The following RASGRP3 variants were observed in gnomAD, a reference collection of about 807,000 sequenced individuals.
RASGRP3 encodes ras guanyl-releasing protein 3.
RASGRP3 carries 54 observed loss-of-function variants against 82.7 expected under a neutral mutation model. The observed-to-expected ratio is 0.65, with a 90% CI of 0.52 to 0.82. The LOEUF (loss-of-function observed/expected upper bound fraction) is 0.82. Among genes scored for constraint, RASGRP3 ranks in the 40% least tolerant of loss-of-function variants. The pLI is 0.00. For missense variants in RASGRP3, 861 were observed against 828.9 expected, an observed-to-expected ratio of 1.04 and a Z score of -0.48; for synonymous variants, 309 against 300.5, an observed-to-expected ratio of 1.03 and a Z score of -0.29.
chr2:33,447,499 G>A (rs1040321780), intron 1 of RASGRP3, among the ~76,000 whole-genome samples: 3 of 151,254 alleles, frequency 2.0e-5, no homozygotes, highest in Non-Finnish European at 4.4e-5. Context: ...GCAGTGGTCC[G>A]ATCTTGGCTC....
chr2:33,559,786 G>C (rs1055577085), intron 17 of RASGRP3, among the ~76,000 whole-genome samples: 16 of 152,194 alleles, frequency 1.1e-4, no homozygotes, highest in African/African-American at 3.1e-4. Flanking sequence ...TATTGGGTTA[G>C]GCAGAGATCC....
chr2:33,446,454 G>A (rs1418021200), intron 1 of RASGRP3, among the ~76,000 whole-genome samples: 4 of 150,672 alleles, frequency 2.7e-5, no homozygotes, highest in Non-Finnish European at 4.4e-5. Context: ...ACCCACACCC[G>A]GCCCAAGTAG....
At chr2:33,465,306 G>C (rs10183077) in intron 2 of RASGRP3, among the ~76,000 whole-genome samples, 21,829 of 152,152 alleles carry the variant, frequency 0.14, 1,786 homozygotes, top group South Asian at 0.27. Flanking sequence ...TTCAATTCTC[G>C]GAAGGCTGAG....
At chr2:33,461,969 G>C (rs779148956) in intron 2 of RASGRP3, among the ~76,000 whole-genome samples, 2 of 152,184 alleles carry the variant, frequency 1.3e-5, no homozygotes, top group African/African-American at 4.8e-5. Context: ...TGGCACTAAG[G>C]CTGGAAAACA....
At chr2:33,491,334 A>G (rs955711594) in intron 1 of RASGRP3, among the ~76,000 whole-genome samples, 2 of 152,186 alleles carry the variant, frequency 1.3e-5, no homozygotes, top group African/African-American at 4.8e-5. Context: ...TTAAAAATAA[A>G]AAAAGTAAAA....
At chr2:33,505,450 G>C (rs1670278046) in intron 1 of RASGRP3, among the ~76,000 whole-genome samples, 2 of 151,922 alleles carry the variant, frequency 1.3e-5, no homozygotes, top group African/African-American at 4.8e-5. Context: ...TTACTGGCAT[G>C]AGCCACCACT....
Position 33,451,039 on chromosome 2 carries a change from C to A in RASGRP3, c.-261+3096C>A, listed in dbSNP as rs577789938. On this transcript the variant is annotated intron_variant, in intron 2 of 18. Transcript: ENST00000402538. The stretch of plus-strand genomic sequence containing the variant: ...TGTATTTTTAGTAGAGACAGGGCTT[C>A]ACCGTATTAGCCAGGATGGTCTCGA... Among the ~76,000 whole-genome samples the A allele has an allele frequency of 3.0e-4, 46 of 151,292 alleles. 1 individual carries two copies. Among genetic ancestry groups the A allele is most frequent in the African/African-American group, 1.0e-3 (43 of 41,298 alleles).
chr2:33,445,225 G>A (rs537483249), intron 1 of RASGRP3, among the ~76,000 whole-genome samples: 1 of 152,290 alleles, frequency 6.6e-6, no homozygotes, highest in South Asian at 2.1e-4. Flanking sequence ...GGTGGAAGTG[G>A]ATAAAATCAG....
chr2:33,532,247 T>C (rs950518016), intron 10 of RASGRP3: 10 of 152,206 alleles, frequency 6.6e-5, no homozygotes, highest in African/African-American at 2.4e-4. Context: ...AAACTCCAGA[T>C]TTCTGGCTTC....
intron 1 of RASGRP3, among the ~76,000 whole-genome samples, chr2:33,484,041 T>C (rs567445674): frequency 5.3e-5 from 8 of 152,260 alleles, no homozygotes; most frequent in African/African-American, 1.4e-4. Context: ...CACTTCTCTG[T>C]TTTGTTTTGA....
intron 2 of RASGRP3, among the ~76,000 whole-genome samples, chr2:33,513,118 T>C (rs1354341922): frequency 1.6e-4 from 24 of 152,234 alleles, no homozygotes. Flanking sequence ...TCACAAATCA[T>C]TTCAGCAGCA....
intron 10 of RASGRP3, among the ~76,000 whole-genome samples, chr2:33,531,150 G>A (rs1275573616): frequency 6.6e-6 from 1 of 152,212 alleles, no homozygotes; most frequent in African/African-American, 2.4e-5. Context: ...ATGATAAACA[G>A]TCAAGCCAAT....
Position 33,562,847 on chromosome 2 carries a change from A to ATGTT in RASGRP3, c.*112_*115dup. ...GGAAGTTATCTGGAAAGATACCTGG[A>ATGTT]TGTTTACTGCCTTGGGACACTGTGG... On this transcript the variant is annotated 3_prime_UTR_variant, in exon 18 of 18. Transcript: ENST00000403687. The ATGTT allele has an allele frequency of 7.1e-7, 1 of 1,398,750 alleles. No homozygotes were observed. Among genetic ancestry groups the ATGTT allele is most frequent in the Middle Eastern group, 1.8e-4 (1 of 5,656 alleles). The allele number at this position is 1,398,750 out of a possible 1,614,324, so 86.6% of individuals were successfully genotyped here.
intron 13 of RASGRP3, 40 bp from the exon 14 acceptor site, chr2:33,549,564 T>C (rs920952749): frequency 6.3e-7 from 1 of 1,580,064 alleles, no homozygotes. Context: ...TAGCAACCTG[T>C]TATTTAAAGA....
chr2:33,516,341 A>G (rs981051850), intron 3 of RASGRP3, among the ~76,000 whole-genome samples: 7 of 152,180 alleles, frequency 4.6e-5, no homozygotes, highest in African/African-American at 1.7e-4. Flanking sequence ...CGGGAGGTGG[A>G]GGTTGCAGTG....
intron 2 of RASGRP3, among the ~76,000 whole-genome samples, chr2:33,458,906 G>C (rs567693116): frequency 6.6e-6 from 1 of 152,272 alleles, no homozygotes; most frequent in East Asian, 1.9e-4. Context: ...GGTATGTGCA[G>C]ATAATAAGGA....
chr2:33,521,175 A>T (rs75195383), intron 6 of RASGRP3, among the ~76,000 whole-genome samples: 51 of 152,318 alleles, frequency 3.3e-4, no homozygotes, highest in African/African-American at 1.2e-3. Context: ...GCTCTGTACC[A>T]TGGTGCTGCT....
At chr2:33,481,746 C>G (rs1263100146) in intron 1 of RASGRP3, 1 of 152,316 alleles carries the variant, frequency 6.6e-6, no homozygotes, top group African/African-American at 2.4e-5. Context: ...CTCTGTCACC[C>G]AAGCTGGAGT....
intron 14 of RASGRP3, among the ~76,000 whole-genome samples, chr2:33,550,226 T>G (rs1002190072): frequency 3.9e-5 from 6 of 152,168 alleles, no homozygotes; most frequent in African/African-American, 1.4e-4. Flanking sequence ...TAAATAACAT[T>G]TACTCAATGC....
Sources: allele counts gnomAD v4.1 joint callset (sites outside exome capture counted in the v4.1 genomes callset), GRCh38; gene constraint gnomAD v4.1.1; transcripts MANE v1.5; gene names NCBI Gene and HGNC (gene_info 2026-07-23, HGNC 2026-07-21).